JAG1: variants seen among roughly 807,000 people sequenced by gnomAD.
JAG1 encodes jagged canonical Notch ligand 1, also known as protein jagged-1.
Under a neutral mutation model 148.7 loss-of-function variants are expected in JAG1, and 23 were observed. The observed-to-expected ratio is 0.15, with a 90% CI of 0.11 to 0.22. The LOEUF is 0.22. Ranked by LOEUF, JAG1 falls within the 10% of genes least tolerant of loss-of-function variation. The probability of loss-of-function intolerance (pLI) is 1.00; values close to 1 mark genes in which losing one functional copy is unlikely to be tolerated. For synonymous variants in JAG1, 572 were observed against 598.3 expected (o/e 0.96, Z 0.64); for missense variants, 1,054 against 1,611.2 (o/e 0.65, Z 5.92).
intron 8 of JAG1, chr20:10,651,163 G>A (rs1166199803): frequency 5.5e-6 from 1 of 180,748 alleles, no homozygotes; most frequent in Admixed American, 5.4e-5. Context: ...CTGATATACA[G>A]CCCTGTCTCA....
intron 24 of JAG1, 23 bp downstream of exon 24, chr20:10,641,090 G>A: frequency 6.2e-7 from 1 of 1,613,986 alleles, no homozygotes; most frequent in Non-Finnish European, 8.5e-7. Context: ...GAATAATGAG[G>A]TGTGAATGGG....
Position 10,645,484 on chromosome 20 carries a change from G to T in JAG1, c.2000-15C>A. 2.5e-6 allele frequency: 4 copies of T among 1,599,870 alleles called. No homozygotes were observed. The East Asian group carries it at 8.9e-5, about 36-fold the overall frequency. On this transcript the variant is annotated splice_polypyrimidine_tract_variant and intron_variant, in intron 15 of 25. Coordinates refer to ENST00000254958, the MANE Select transcript of JAG1 (RefSeq NM_000214.3). The surrounding 1 kb of genome is among the most constrained non-coding windows in gnomAD (Gnocchi z 6.1). ...GTCATTAATATCTAGAATCAAAGGG[G>T]AGACAATCGGCTGAAGACGAGATCC... is the stretch of plus-strand genomic sequence containing the variant.
Position 10,667,670 on chromosome 20 carries a change from C to T in JAG1, c.388-3656G>A, listed in dbSNP as rs192065274. 5.3e-5 allele frequency among the ~76,000 whole-genome samples: 8 copies of T among 152,162 alleles called. No homozygotes were observed. The East Asian group carries it at 1.4e-3, about 26-fold the overall frequency. ...TAGGGCTTGACATGTCAATAGAGTCCGATCTGGTTACAAAGGGTGATTTTC... is the reference window on the plus strand; with the variant it reads ...TAGGGCTTGACATGTCAATAGAGTCTGATCTGGTTACAAAGGGTGATTTTC... On this transcript the variant is annotated intron_variant, in intron 2 of 25. Transcript: ENST00000254958.
chr20:10,654,959 T>C (rs532771285), intron 5 of JAG1, among the ~76,000 whole-genome samples: 2 of 152,320 alleles, frequency 1.3e-5, no homozygotes, highest in East Asian at 3.9e-4. Flanking sequence ...CCATTGGGAC[T>C]TTCTCCAGAA....
At chr20:10,649,394 T>C in intron 10 of JAG1, 128 bp downstream of exon 10, 1 of 724,988 alleles carries the variant, frequency 1.4e-6, no homozygotes, top group Non-Finnish European at 2.5e-6. Flanking sequence ...CCACTCCCTC[T>C]CAAAAAACCA....
At chr20:10,649,196 A>C (rs189241575) in intron 10 of JAG1, 89 bp from the exon 11 acceptor site, 1 of 899,220 alleles carries the variant, frequency 1.1e-6, no homozygotes. Flanking sequence ...AGGATAGATA[A>C]GTTTCAAATC....
chr20:10,646,020 G>C lies in JAG1; in HGVS notation c.1950C>G (p.Ser650=). The C allele has an allele frequency of 6.2e-7, 1 of 1,614,092 alleles. No homozygotes were observed. Residue 650 remains serine, a synonymous_variant, in exon 15 of 26, where the codon TCC becomes TCG. Transcript: ENST00000254958. ...AGCCGTCACTACAGATGCACTTGTA[G>C]GAGTTGACACCATCGATGCAAGTGC... ...NGGTCIDGVN[S]YKCICSDGWE...
At chr20:10,652,318 C>G (rs1388705312) in intron 6 of JAG1, 68 bp from the exon 7 acceptor site, 3 of 1,606,348 alleles carry the variant, frequency 1.9e-6, no homozygotes, top group Non-Finnish European at 1.7e-6. Flanking sequence ...TGTTTCTAGC[C>G]CCAGTCGTCT....
At chr20:10,671,740 C>G (rs1421581735) in intron 2 of JAG1, among the ~76,000 whole-genome samples, 2 of 152,214 alleles carry the variant, frequency 1.3e-5, no homozygotes, top group Non-Finnish European at 2.9e-5. Context: ...CTTTCCTCCC[C>G]TTCTGCAATC....
Position 10,673,090 on chromosome 20 carries a change from C to A in JAG1, c.82-84G>T, listed in dbSNP as rs965771912. ...GAGGTGGCGACTCCCTCCCACTCCC[C>A]GCCCCGACGAGCCCTCCTCGCCGAG... is the stretch of plus-strand genomic sequence containing the variant. On this transcript the variant is annotated intron_variant, in intron 1 of 25. Transcript: ENST00000254958. The surrounding 1 kb of genome is among the most constrained non-coding windows in gnomAD (Gnocchi z 4.7). 5.4e-6 allele frequency: 7 copies of A among 1,287,756 alleles called. No individual in the cohort carries two copies. The highest frequency in any genetic ancestry group is 7.7e-6 in the Non-Finnish European group (7 of 906,734). The allele number at this position is 1,287,756 out of a possible 1,614,324, so 79.8% of individuals were successfully genotyped here. A position where few individuals can be genotyped will look rare whatever the true frequency, so the allele number is the denominator to read the frequency against.
In JAG1 at chr20:10,673,365, G is replaced by A; in HGVS notation, c.81+85C>T. On this transcript the variant is annotated intron_variant, in intron 1 of 25. Coordinates refer to ENST00000254958, the MANE Select transcript of JAG1 (RefSeq NM_000214.3). The surrounding 1 kb of genome is among the most constrained non-coding windows in gnomAD (Gnocchi z 4.7). The stretch of plus-strand genomic sequence containing the variant: ...GAGTCGGGCGCTCGAGGGCTGCCGA[G>A]CCTGCTCGCGGGGCTCAACCGCCCA... 1 of 1,043,344 alleles carries A rather than the reference G, an allele frequency of 9.6e-7. No homozygotes were observed. Among genetic ancestry groups the A allele is most frequent in the Non-Finnish European group, 1.4e-6 (1 of 738,196 alleles). The allele number at this position is 1,043,344 out of a possible 1,614,324, so 64.6% of individuals were successfully genotyped here.
chr20:10,650,443 A>AG lies in JAG1; in HGVS notation c.1121-84dup. 3 of 796,068 alleles carry AG rather than the reference A, an allele frequency of 3.8e-6. No homozygotes were observed. The South Asian group carries it at 4.3e-5, about 12-fold the overall frequency. The allele number at this position is 796,068 out of a possible 1,614,324, so 49.3% of individuals were successfully genotyped here. A position where few individuals can be genotyped will look rare whatever the true frequency, so the allele number is the denominator to read the frequency against. ...ATCCTTTAACATCACCTCTTACATG[A>AG]GGGGCTGTCATTGAAGAGCCAGACA... On this transcript the variant is annotated intron_variant, in intron 8 of 25. Coordinates refer to ENST00000254958, the MANE Select transcript of JAG1 (RefSeq NM_000214.3).
At chr20:10,649,193 A>G (rs2067329684) in intron 10 of JAG1, 86 bp from the exon 11 acceptor site, 3 of 914,284 alleles carry the variant, frequency 3.3e-6, no homozygotes, top group Non-Finnish European at 5.3e-6. Flanking sequence ...CTCAGGATAG[A>G]TAAGTTTCAA....
In JAG1 at chr20:10,673,059, A is replaced by G; in HGVS notation, c.82-53T>C. 1 of 1,552,400 alleles carries G rather than the reference A, an allele frequency of 6.4e-7. No homozygotes were observed. Among genetic ancestry groups the G allele is most frequent in the Middle Eastern group, 1.7e-4 (1 of 5,962 alleles). On this transcript the variant is annotated intron_variant, in intron 1 of 25. Transcript: ENST00000254958. The surrounding 1 kb of genome is among the most constrained non-coding windows in gnomAD (Gnocchi z 4.7). Reference sequence around the variant, plus strand: ...GCGCGGGAGAAAGCTGTTTTCTTCGAGTATAGAGGTGGCGACTCCCTCCCA... The same window carrying G: ...GCGCGGGAGAAAGCTGTTTTCTTCGGGTATAGAGGTGGCGACTCCCTCCCA...
intron 2 of JAG1, among the ~76,000 whole-genome samples, chr20:10,671,096 G>A (rs2067491743): frequency 6.6e-6 from 1 of 152,116 alleles, no homozygotes; most frequent in African/African-American, 2.4e-5. Context: ...GAAAAGCGAG[G>A]GGCTCCAGAC....
At chr20:10,669,395 G>T (rs543360114) in intron 2 of JAG1, among the ~76,000 whole-genome samples, 1 of 151,564 alleles carries the variant, frequency 6.6e-6, no homozygotes, top group Non-Finnish European at 1.5e-5. Flanking sequence ...GAAGCTCAGG[G>T]ACTGGAAAAG....
intron 2 of JAG1, among the ~76,000 whole-genome samples, chr20:10,668,920 G>A (rs1451277457): frequency 6.6e-6 from 1 of 152,080 alleles, no homozygotes; most frequent in Non-Finnish European, 1.5e-5. Flanking sequence ...AGAATTACGG[G>A]TGTGGAACTG....
At chr20:10,655,702 C>G (rs2067374278) in intron 5 of JAG1, among the ~76,000 whole-genome samples, 1 of 152,050 alleles carries the variant, frequency 6.6e-6, no homozygotes, top group African/African-American at 2.4e-5. Context: ...CCAAAAACAC[C>G]ACAGACACCA....
Position 10,639,101 on chromosome 20 carries a change from T to C in JAG1, c.*397A>G. Reference sequence around the variant, plus strand: ...CAAATACAGAACTACTTGTACGTCATCATAAAACCAATATACAAAAACAAC... The same window carrying C: ...CAAATACAGAACTACTTGTACGTCACCATAAAACCAATATACAAAAACAAC... On this transcript the variant is annotated 3_prime_UTR_variant, in exon 26 of 26. Transcript: ENST00000254958. 4.2e-6 allele frequency: 1 copy of C among 240,702 alleles called. No homozygotes were observed. The highest frequency in any genetic ancestry group is 8.4e-6 in the Non-Finnish European group (1 of 119,254). The allele number at this position is 240,702 out of a possible 1,614,324, so 14.9% of individuals were successfully genotyped here.
Sources: allele counts gnomAD v4.1 joint callset (sites outside exome capture counted in the v4.1 genomes callset), GRCh38; gene constraint gnomAD v4.1.1; non-coding constraint Gnocchi (gnomAD v3.1); transcripts MANE v1.5; gene names NCBI Gene and HGNC (gene_info 2026-07-23, HGNC 2026-07-21).